The following NELL2 variants were observed in gnomAD, a reference collection of about 807,000 sequenced individuals.
NELL2 encodes the protein neural EGFL like 2.
NELL2 carries 41 observed loss-of-function variants against 109.6 expected under a neutral mutation model. The observed-to-expected ratio is 0.37, with a 90% CI of 0.29 to 0.49. The LOEUF is 0.49. NELL2 is among the 20% of genes least tolerant of loss of function. The probability of loss-of-function intolerance (pLI) is 0.98; values close to 1 mark genes in which losing one functional copy is unlikely to be tolerated. For synonymous variants in NELL2, 355 were observed against 344.7 expected, an observed-to-expected ratio of 1.03 and a Z score of -0.33; for missense variants, 900 against 1,008.3, an observed-to-expected ratio of 0.89 and a Z score of 1.45.
At chr12:44,875,660 A>G in intron 1 of NELL2, 155 bp downstream of exon 1, 2 of 1,584,448 alleles carry the variant, frequency 1.3e-6, no homozygotes, top group South Asian at 2.3e-5. Context: ...AGCACAGAAA[A>G]AAAAAAAATC....
At chr12:44,916,445 A>C (rs966854442), upstream of NELL2, among the ~76,000 whole-genome samples, 11 of 152,176 alleles carry the variant, frequency 7.2e-5, no homozygotes, top group Admixed American at 6.5e-4. Flanking sequence ...TTAAAATGGA[A>C]ATCATTATAA....
Position 44,875,562 on chromosome 12 carries a change from C to A in NELL2, c.56-209G>T, listed in dbSNP as rs755464298. On this transcript the variant is annotated intron_variant, in intron 1 of 19. Transcript: ENST00000429094. ...GAGCACCCAGTCCCGTTTCCATGAC[C>A]TCCTTTAAACCCTTCTCTCTGCAAA... is the stretch of plus-strand genomic sequence containing the variant. The A allele has an allele frequency of 9.3e-6, 15 of 1,613,834 alleles. No homozygotes were observed. In the Admixed American group the frequency reaches 1.5e-4, roughly 16 times the overall value.
rs916586113 is a variant in NELL2 at position 44,655,179 on chromosome 12, T to A, written c.1444+10305A>T. 4.6e-5 allele frequency among the ~76,000 whole-genome samples: 7 copies of A among 151,974 alleles called. No individual in the cohort carries two copies. The South Asian group carries it at 8.3e-4, about 18-fold the overall frequency. ...GGTTTGACTAATAAGTCAAAGTAGG[T>A]GAGGCTTGCTAATGAGGCGGCTCCC... On this transcript the variant is annotated intron_variant, in intron 13 of 19. Coordinates refer to ENST00000429094, the MANE Select transcript of NELL2 (RefSeq NM_001145108.2).
chr12:44,887,264 G>C (rs1945484374), intron 1 of NELL2, among the ~76,000 whole-genome samples: 1 of 151,862 alleles, frequency 6.6e-6, no homozygotes, highest in Admixed American at 6.6e-5. Context: ...CGAACTTCCT[G>C]CCTCGGCCTT....
intron 2 of NELL2, among the ~76,000 whole-genome samples, chr12:44,828,361 A>C (rs1943781497): frequency 6.6e-6 from 1 of 152,154 alleles, no homozygotes; most frequent in Admixed American, 6.5e-5. Context: ...ATACTCTTAG[A>C]AAACCAACTT....
At chr12:44,665,079 C>A in intron 13 of NELL2, among the ~76,000 whole-genome samples, 1 of 150,264 alleles carries the variant, frequency 6.7e-6, no homozygotes, top group East Asian at 2.0e-4. Flanking sequence ...ATTTAATAGT[C>A]CCATGTCCTA....
At position 44,863,511 on chromosome 12, in the gene NELL2, T is replaced by C. The variant is rs546439248; in HGVS notation, c.184+11714A>G. ...AGAGAGCTGGGTGATATTAAAATTG[T>C]AGAAGTAATAAAAAAAAACTGCTAA... On this transcript the variant is annotated intron_variant, in intron 2 of 19. Transcript: ENST00000429094. Among the ~76,000 whole-genome samples the C allele has an allele frequency of 5.9e-3, 392 of 66,442 alleles. 1 individual carries two copies. The highest frequency in any genetic ancestry group is 0.014 in the Admixed American group (101 of 7,358). 43.6% of individuals were successfully genotyped at this position (66,442 alleles called of 152,430 possible).
intron 3 of NELL2, among the ~76,000 whole-genome samples, chr12:44,799,429 G>A (rs192584501): frequency 1.1e-3 from 163 of 152,102 alleles, no homozygotes; most frequent in African/African-American, 3.7e-3. Context: ...CTCAAAGGAT[G>A]TTAATGATAT....
At chr12:44,872,717 A>T (rs1211230746) in intron 2 of NELL2, among the ~76,000 whole-genome samples, 1 of 152,210 alleles carries the variant, frequency 6.6e-6, no homozygotes, top group African/African-American at 2.4e-5. Flanking sequence ...AACATATCTG[A>T]TAGCACAAAG....
chr12:44,566,916 A>G (rs1943683040), intron 15 of NELL2, among the ~76,000 whole-genome samples: 1 of 151,896 alleles, frequency 6.6e-6, no homozygotes, highest in African/African-American at 2.4e-5. Flanking sequence ...GGTTCAAGCG[A>G]TTCTCCTGCC....
intron 13 of NELL2, among the ~76,000 whole-genome samples, chr12:44,623,496 G>T (rs892352545): frequency 1.3e-5 from 2 of 152,006 alleles, no homozygotes; most frequent in South Asian, 2.1e-4. Context: ...TTTTTTTAAA[G>T]AATTTAAAAT....
chr12:44,876,720 G>A, upstream of NELL2: 4 of 1,546,380 alleles, frequency 2.6e-6, no homozygotes, highest in Non-Finnish European at 3.5e-6. Context: ...AAGGAGGGAA[G>A]CCCATGTGCA....
chr12:44,693,699 CAATAGAAAGTA>C (rs1461735826), intron 12 of NELL2, among the ~76,000 whole-genome samples: 1 of 152,054 alleles, frequency 6.6e-6, no homozygotes, highest in Non-Finnish European at 1.5e-5. Context: ...AGTTGAAGCA[CAATAGAAAGTA>C]AATGATGAAT....
intron 3 of NELL2, 66 bp from the exon 4 acceptor site, chr12:44,780,088 T>G: frequency 1.4e-5 from 22 of 1,531,524 alleles, no homozygotes; most frequent in Non-Finnish European, 2.0e-5. Context: ...AAGTGATCTC[T>G]GTCTACGGGA....
chr12:44,515,472 C>G (rs2138967154), intron 19 of NELL2, among the ~76,000 whole-genome samples: 1 of 151,814 alleles, frequency 6.6e-6, no homozygotes, highest in African/African-American at 2.4e-5. Context: ...GAATTTATTA[C>G]AAAGAAATAA....
intron 19 of NELL2, 84 bp downstream of exon 19, chr12:44,519,921 A>T (rs2138978857): frequency 8.5e-7 from 1 of 1,176,650 alleles, no homozygotes; most frequent in Non-Finnish European, 1.2e-6. Flanking sequence ...AAACCTTCCT[A>T]TTGTCCAGGT....
At chr12:44,794,127 A>G (rs1244698554) in intron 3 of NELL2, among the ~76,000 whole-genome samples, 1 of 152,148 alleles carries the variant, frequency 6.6e-6, no homozygotes, top group Non-Finnish European at 1.5e-5. Flanking sequence ...CTAAAGCCAG[A>G]TCACTGGGTT....
intron 3 of NELL2, among the ~76,000 whole-genome samples, chr12:44,814,267 T>A (rs949322526): frequency 5.9e-5 from 9 of 152,176 alleles, no homozygotes; most frequent in African/African-American, 2.2e-4. Context: ...GTGAGTTCTA[T>A]GTCTCTACAA....
chr12:44,658,382 A>G (rs1296880129), intron 13 of NELL2, among the ~76,000 whole-genome samples: 1 of 152,208 alleles, frequency 6.6e-6, no homozygotes, highest in African/African-American at 2.4e-5. Flanking sequence ...AATACAACTT[A>G]CAAGGGATGT....
Sources: gnomAD v4.1 joint callset for allele counts (sites outside exome capture counted in the v4.1 genomes callset) on GRCh38, gnomAD v4.1.1 for gene constraint, MANE v1.5 for transcripts, NCBI Gene and HGNC (gene_info 2026-07-23, HGNC 2026-07-21) for gene names.